Variants in SEC24B observed in about 807,000 individuals in gnomAD.
SEC24B encodes the protein SEC24 homolog B, COPII component.
Under a neutral mutation model 142.8 loss-of-function variants are expected in SEC24B, and 45 were observed. The observed-to-expected ratio is 0.32, with a 90% confidence interval of 0.25 to 0.40. SEC24B has a LOEUF of 0.40. SEC24B is among the 10% of genes least tolerant of loss of function. SEC24B has a pLI of 1.00. For missense variants in SEC24B, 1,409 were observed against 1,526.8 expected, an observed-to-expected ratio of 0.92 and a Z score of 1.29; for synonymous variants, 574 against 568.2, an observed-to-expected ratio of 1.01 and a Z score of -0.15.
chr4:109,508,511 G>C lies in SEC24B; in HGVS notation c.1674-1498G>C, dbSNP rs572664671. Among the ~76,000 whole-genome samples the C allele has an allele frequency of 5.9e-5, 9 of 152,094 alleles. No homozygotes were observed. In the South Asian group the frequency reaches 1.9e-3, roughly 32 times the overall value. ...GAGCCCAGGAGGTGGAAGTTGTGGC[G>C]ATCCAAGATCATAACACTGTACTCC... On this transcript the variant is annotated intron_variant, in intron 7 of 23. Coordinates refer to ENST00000265175, the MANE Select transcript of SEC24B (RefSeq NM_006323.5).
intron 23 of SEC24B, among the ~76,000 whole-genome samples, chr4:109,539,107 G>A (rs1017020990): frequency 3.3e-5 from 5 of 151,888 alleles, no homozygotes; most frequent in Non-Finnish European, 7.4e-5. Context: ...GATTACAGGC[G>A]CCCACCACCA....
chr4:109,500,492 C>A (rs760480009), intron 6 of SEC24B, among the ~76,000 whole-genome samples: 1 of 141,160 alleles, frequency 7.1e-6, no homozygotes, highest in Non-Finnish European at 1.5e-5. Flanking sequence ...TGCAGTGAGC[C>A]AAAATTGCAG....
At chr4:109,500,365 G>C (rs1043340774) in intron 6 of SEC24B, among the ~76,000 whole-genome samples, 2 of 151,864 alleles carry the variant, frequency 1.3e-5, no homozygotes, top group Non-Finnish European at 2.9e-5. Flanking sequence ...CCAACATGGT[G>C]AAACCCTGTC....
intron 22 of SEC24B, 84 bp from the exon 23 acceptor site, chr4:109,538,409 G>C: frequency 1.2e-6 from 1 of 844,066 alleles, no homozygotes; most frequent in South Asian, 1.5e-5. Flanking sequence ...GCAGTTGGGG[G>C]TGATGGTAGG....
At chr4:109,526,035 T>A (rs1353349102) in intron 16 of SEC24B, among the ~76,000 whole-genome samples, 191 bp from the exon 17 acceptor site, 2 of 152,110 alleles carry the variant, frequency 1.3e-5, no homozygotes, top group Non-Finnish European at 2.9e-5. Context: ...AAATGTATAG[T>A]CTCCCTTTTA....
intron 11 of SEC24B, among the ~76,000 whole-genome samples, chr4:109,518,686 C>T (rs1423519381): frequency 6.6e-6 from 1 of 152,012 alleles, no homozygotes; most frequent in Non-Finnish European, 1.5e-5. Flanking sequence ...AGTATTTGCC[C>T]CTACTTTAGT....
chr4:109,486,954 CAGGAG>C, intron 4 of SEC24B, among the ~76,000 whole-genome samples: 1 of 152,080 alleles, frequency 6.6e-6, no homozygotes, highest in African/African-American at 2.4e-5. Context: ...CACCTGAGGT[CAGGAG>C]TTTGAGACCA....
intron 3 of SEC24B, among the ~76,000 whole-genome samples, chr4:109,477,608 G>C (rs939282744): frequency 2.6e-5 from 4 of 152,068 alleles, no homozygotes; most frequent in Non-Finnish European, 4.4e-5. Context: ...TTACAGGTGT[G>C]AGCCACTGTG....
At position 109,461,592 on chromosome 4, in the gene SEC24B, CT is replaced by C. The variant is rs373945725; in HGVS notation, c.134-1304del. On this transcript the variant is annotated intron_variant, in intron 1 of 23. Coordinates refer to ENST00000265175, the MANE Select transcript of SEC24B (RefSeq NM_006323.5). ...AAGCAAGTTGCGGAACTGTAATATCCTTTTTGTGTGTTTAAAAAATCAAGTA... is the reference window on the plus strand; with the variant it reads ...AAGCAAGTTGCGGAACTGTAATATCCTTTTGTGTGTTTAAAAAATCAAGTA... Among the ~76,000 whole-genome samples, 528 of 152,238 alleles carry C rather than the reference CT, an allele frequency of 3.5e-3. 8 individuals are homozygous for C. Among genetic ancestry groups the C allele is most frequent in the African/African-American group, 0.012 (503 of 41,530 alleles).
At chr4:109,441,512 T>C (rs905753114) in intron 1 of SEC24B, among the ~76,000 whole-genome samples, 6 of 152,168 alleles carry the variant, frequency 3.9e-5, no homozygotes, top group African/African-American at 1.4e-4. Flanking sequence ...CTCACTGCAG[T>C]CTTGACCTCC....
chr4:109,510,551 T>C (rs1354633874), intron 8 of SEC24B, among the ~76,000 whole-genome samples: 1 of 152,150 alleles, frequency 6.6e-6, no homozygotes, highest in Non-Finnish European at 1.5e-5. Context: ...GGAATGGCCC[T>C]GGAAGGTAGA....
rs182768999 is a variant in SEC24B, at chr4:109,470,008, T to G, written c.878-2996T>G. ...AAGATGAAATGAAAACATAATCTCA[T>G]TAATAAACAGTGAAAAGCAAATTAA... On this transcript the variant is annotated intron_variant, in intron 2 of 23. Coordinates refer to ENST00000265175, the MANE Select transcript of SEC24B (RefSeq NM_006323.5). Among the ~76,000 whole-genome samples the G allele has an allele frequency of 2.1e-3, 314 of 152,260 alleles. 2 individuals carry two copies. Among genetic ancestry groups the G allele is most frequent in the African/African-American group, 5.1e-3 (211 of 41,546 alleles).
intron 9 of SEC24B, among the ~76,000 whole-genome samples, chr4:109,513,484 A>G (rs1390154383): frequency 6.6e-6 from 1 of 151,692 alleles, no homozygotes; most frequent in Non-Finnish European, 1.5e-5. Context: ...AGGTTTCACC[A>G]TGTTGGTCAG....
At chr4:109,458,382 C>G (rs1272968335) in intron 1 of SEC24B, among the ~76,000 whole-genome samples, 2 of 152,122 alleles carry the variant, frequency 1.3e-5, no homozygotes, top group Non-Finnish European at 2.9e-5. Flanking sequence ...TCTGGGCCCA[C>G]TTTGATTCTG....
chr4:109,473,894 G>A (rs1225812113), intron 3 of SEC24B, among the ~76,000 whole-genome samples: 5 of 152,162 alleles, frequency 3.3e-5, no homozygotes, highest in African/African-American at 1.2e-4. Flanking sequence ...TCAAGAATCT[G>A]TAGTTTGTAT....
chr4:109,439,409 C>G (rs1728703912), intron 1 of SEC24B, among the ~76,000 whole-genome samples: 1 of 145,226 alleles, frequency 6.9e-6, no homozygotes, highest in Non-Finnish European at 1.5e-5. Flanking sequence ...ATCAGGTCCT[C>G]TCATGAATAT....
chr4:109,530,302 C>G lies in SEC24B; in HGVS notation c.3090C>G (p.Ser1030=), dbSNP rs376824960. 1 of 1,612,274 alleles carries G rather than the reference C, an allele frequency of 6.2e-7. No individual in the cohort carries two copies. The highest frequency in any genetic ancestry group is 8.5e-7 in the Non-Finnish European group (1 of 1,178,948). The part of the protein sequence containing the change: ...CLLANMAVDR[S]VSSSLSDARD... ...GTTGCTTTTTAGCTGTGGATCGGTC[C>G]GTTTCATCAAGTCTGTCAGATGCAA... The change falls in exon 19 of 24, where the codon TCC becomes TCG. Residue 1030 remains serine (S), a synonymous_variant. Coordinates refer to ENST00000265175, the MANE Select transcript of SEC24B (RefSeq NM_006323.5).
At chr4:109,484,208 C>T (rs1734113478) in intron 4 of SEC24B, among the ~76,000 whole-genome samples, 1 of 152,192 alleles carries the variant, frequency 6.6e-6, no homozygotes, top group African/African-American at 2.4e-5. Flanking sequence ...TCTTTCCTTG[C>T]CTTTACATTT....
rs991722007 is a variant in SEC24B, at chr4:109,491,369, C to G, written c.1208C>G (p.Pro403Arg). 6.2e-7 allele frequency: 1 copy of G among 1,613,620 alleles called. No homozygotes were observed. The change falls in exon 5 of 24, where the codon CCC becomes CGC. Residue 403 changes from proline (P) to arginine (R), a missense_variant. By Grantham distance (103) the Pro-to-Arg change is moderately radical (BLOSUM62 -2). This residue lies in a region of SEC24B where 709 missense variants were observed against 673.5 expected (regional missense o/e 1.05). Transcript: ENST00000265175. ...ACCACAAGCAGTGCTTCTCCAATGCCCAACAGTTATGATGCCCTGGAAGGA... is the reference window on the plus strand; with the variant it reads ...ACCACAAGCAGTGCTTCTCCAATGCGCAACAGTTATGATGCCCTGGAAGGA... The part of the protein sequence containing the change: ...SSTTSSASPM[P>R]NSYDALEGGS...
Sources: allele counts gnomAD v4.1 joint callset (sites outside exome capture counted in the v4.1 genomes callset), GRCh38; gene constraint gnomAD v4.1.1; regional missense constraint gnomAD v4.1.1; transcripts MANE v1.5; gene names NCBI Gene and HGNC (gene_info 2026-07-23, HGNC 2026-07-21).